The following KPNA3 variants were observed in gnomAD, a reference collection of about 807,000 sequenced individuals.
The protein encoded by KPNA3 is karyopherin subunit alpha 3, also known as importin subunit alpha-4.
In KPNA3, 13 loss-of-function variants were observed where a neutral mutation model predicts 73.8. The observed-to-expected ratio is 0.18, with a 90% confidence interval of 0.11 to 0.28. KPNA3 has a LOEUF of 0.28. Ranked by LOEUF, KPNA3 falls within the 10% of genes least tolerant of loss-of-function variation. KPNA3 has a pLI of 1.00. For missense variants in KPNA3, 360 were observed against 618.1 expected (o/e 0.58, Z 4.43); for synonymous variants, 186 against 206.9 (o/e 0.90, Z 0.87).
chr13:49,762,734 C>A, intron 1 of KPNA3, among the ~76,000 whole-genome samples: 1 of 151,788 alleles, frequency 6.6e-6, no homozygotes, highest in Non-Finnish European at 1.5e-5. Flanking sequence ...CTGCGGTAGG[C>A]CGCAGGGTCC....
intron 6 of KPNA3, among the ~76,000 whole-genome samples, chr13:49,731,249 G>GTTTTTT (rs143641829): frequency 4.9e-5 from 5 of 102,212 alleles, no homozygotes; most frequent in East Asian, 3.3e-4. Context: ...TAATTTTCGT[G>GTTTTTT]TTTTTTTTTT....
intron 1 of KPNA3, among the ~76,000 whole-genome samples, chr13:49,761,570 G>T (rs1041281386): frequency 5.9e-5 from 9 of 152,228 alleles, no homozygotes; most frequent in Non-Finnish European, 1.0e-4. Context: ...GAGTGCAGTG[G>T]CATGATCTCG....
At chr13:49,719,676 A>C (rs1954337193) in intron 10 of KPNA3, 99 bp downstream of exon 10, 4 of 823,916 alleles carry the variant, frequency 4.9e-6, no homozygotes, top group Non-Finnish European at 8.2e-6. Context: ...ACGTTGTAGA[A>C]ACTTGACAAG....
At chr13:49,780,403 AT>A (rs1205568242) in intron 1 of KPNA3, among the ~76,000 whole-genome samples, 1 of 152,162 alleles carries the variant, frequency 6.6e-6, no homozygotes, top group East Asian at 1.9e-4. Context: ...ATGCCAAAAG[AT>A]TAGTCCTAAT....
At chr13:49,701,973 A>G in intron 16 of KPNA3, 75 bp from the exon 17 acceptor site, 4 of 886,902 alleles carry the variant, frequency 4.5e-6, no homozygotes, top group Non-Finnish European at 7.3e-6. Flanking sequence ...TTGACTTTTT[A>G]CCTCTTAGCA....
intron 1 of KPNA3, among the ~76,000 whole-genome samples, chr13:49,775,313 T>C (rs560858977): frequency 1.1e-4 from 17 of 152,122 alleles, no homozygotes; most frequent in Admixed American, 1.0e-3. Flanking sequence ...TTTCATATCA[T>C]GGCATGCACA....
At chr13:49,732,822 T>A in intron 3 of KPNA3, 46 bp from the exon 4 acceptor site, 1 of 1,444,484 alleles carries the variant, frequency 6.9e-7, no homozygotes, top group South Asian at 1.2e-5. Context: ...ATTAACAAAA[T>A]TACATTCATT....
chr13:49,749,764 C>G (rs1954646942), intron 1 of KPNA3, among the ~76,000 whole-genome samples: 1 of 152,020 alleles, frequency 6.6e-6, no homozygotes, highest in South Asian at 2.1e-4. Context: ...TATCTGTTAC[C>G]CTCACCTATC....
chr13:49,792,559 G>GGCA lies in KPNA3; in HGVS notation c.-54_-53insTGC. 2.5e-6 allele frequency: 3 copies of GGCA among 1,208,112 alleles called. No homozygotes were observed. In the South Asian group the frequency reaches 3.8e-5, roughly 15 times the overall value. 74.8% of individuals were successfully genotyped at this position (1,208,112 alleles called of 1,614,324 possible). ...CTCCTGCGGCTGCGGCGGCGGCGGCGGCGAATCTTGGAGCGGGAGGGGGAG... is the reference window on the plus strand; with the variant it reads ...CTCCTGCGGCTGCGGCGGCGGCGGCGGCAGCGAATCTTGGAGCGGGAGGGGGAG... On this transcript the variant is annotated 5_prime_UTR_variant, in exon 1 of 17. Coordinates refer to ENST00000261667, the MANE Select transcript of KPNA3 (RefSeq NM_002267.4).
chr13:49,719,984 C>A (rs1954340217), intron 9 of KPNA3, among the ~76,000 whole-genome samples, 165 bp from the exon 10 acceptor site: 1 of 151,970 alleles, frequency 6.6e-6, no homozygotes, highest in South Asian at 2.1e-4. Flanking sequence ...TAAATTCAAT[C>A]TAAAAAAACC....
chr13:49,769,866 C>T (rs1365313547), intron 1 of KPNA3, among the ~76,000 whole-genome samples: 5 of 152,256 alleles, frequency 3.3e-5, no homozygotes, highest in East Asian at 3.9e-4. Context: ...CTACCAGAAG[C>T]GTATTAGAAT....
At chr13:49,747,311 A>G (rs1249446732) in intron 1 of KPNA3, among the ~76,000 whole-genome samples, 1 of 151,784 alleles carries the variant, frequency 6.6e-6, no homozygotes, top group African/African-American at 2.4e-5. Context: ...GCGCCAGTGC[A>G]CTCCAGGCCT....
At chr13:49,705,902 G>T in intron 14 of KPNA3, 119 bp from the exon 15 acceptor site, 2 of 1,037,948 alleles carry the variant, frequency 1.9e-6, no homozygotes, top group Non-Finnish European at 2.7e-6. Flanking sequence ...GTTGGAGGCT[G>T]TAGTGCGTTA....
At chr13:49,728,021 G>A (rs779141282) in intron 6 of KPNA3, among the ~76,000 whole-genome samples, 5 of 152,002 alleles carry the variant, frequency 3.3e-5, no homozygotes, top group Non-Finnish European at 5.9e-5. Context: ...GGATCACGAG[G>A]TAAGGAGATC....
chr13:49,770,726 T>C (rs1954846542), intron 1 of KPNA3, among the ~76,000 whole-genome samples: 1 of 151,798 alleles, frequency 6.6e-6, no homozygotes, highest in South Asian at 2.1e-4. Flanking sequence ...CAGTATTCTC[T>C]TGTATGTGGA....
At chr13:49,757,694 A>C (rs1417006617) in intron 1 of KPNA3, among the ~76,000 whole-genome samples, 1 of 150,594 alleles carries the variant, frequency 6.6e-6, no homozygotes, top group Non-Finnish European at 1.5e-5. Flanking sequence ...ACTCATCTAC[A>C]CACACACACA....
intron 2 of KPNA3, among the ~76,000 whole-genome samples, chr13:49,735,282 C>A (rs1377003466): frequency 6.6e-6 from 1 of 152,062 alleles, no homozygotes; most frequent in African/African-American, 2.4e-5. Flanking sequence ...GCCTCCATAC[C>A]CGGCTAATTT....
intron 12 of KPNA3, among the ~76,000 whole-genome samples, 156 bp downstream of exon 12, chr13:49,709,416 A>T (rs916081190): frequency 6.6e-6 from 1 of 151,402 alleles, no homozygotes; most frequent in Non-Finnish European, 1.5e-5. Flanking sequence ...AAAAAAAAAA[A>T]GTTGAAGAAA....
intron 6 of KPNA3, among the ~76,000 whole-genome samples, chr13:49,729,921 C>T (rs1954446159): frequency 6.6e-6 from 1 of 152,176 alleles, no homozygotes; most frequent in Non-Finnish European, 1.5e-5. Flanking sequence ...TCAAAAGCCA[C>T]GTGGATTTTT....
Sources: gnomAD v4.1 joint callset for allele counts (sites outside exome capture counted in the v4.1 genomes callset) on GRCh38, gnomAD v4.1.1 for gene constraint, MANE v1.5 for transcripts, NCBI Gene and HGNC (gene_info 2026-07-23, HGNC 2026-07-21) for gene names.